The following OXCT1 variants were observed in gnomAD, a reference collection of about 807,000 sequenced individuals.
OXCT1 encodes 3-oxoacid CoA-transferase 1.
In OXCT1, 27 loss-of-function variants were observed where a neutral mutation model predicts 69.6. That is an observed-to-expected ratio of 0.39 (90% CI 0.29 to 0.54). The LOEUF is 0.54. Ranked by LOEUF, OXCT1 falls within the 20% of genes least tolerant of loss-of-function variation. OXCT1 has a pLI of 0.72. For missense variants in OXCT1, 437 were observed against 650.2 expected (o/e 0.67, Z 3.57); for synonymous variants, 202 against 217.8 (o/e 0.93, Z 0.64).
chr5:41,839,250 A>G (rs758177371), intron 7 of OXCT1, among the ~76,000 whole-genome samples: 2 of 152,212 alleles, frequency 1.3e-5, no homozygotes, highest in Non-Finnish European at 2.9e-5. Flanking sequence ...AATTTTAAAG[A>G]GAACTTCACC....
chr5:41,766,220 G>C (rs1222323976), intron 13 of OXCT1, among the ~76,000 whole-genome samples: 5 of 152,098 alleles, frequency 3.3e-5, no homozygotes, highest in Non-Finnish European at 7.4e-5. Flanking sequence ...GATTGACCCT[G>C]ATAGCAAGTA....
At chr5:41,735,752 T>C (rs940091680) in intron 16 of OXCT1, among the ~76,000 whole-genome samples, 5 of 152,230 alleles carry the variant, frequency 3.3e-5, no homozygotes, top group Non-Finnish European at 7.3e-5. Context: ...TTCATGTAAC[T>C]ACCCTGACCT....
At chr5:41,741,932 C>T (rs1743188848) in intron 15 of OXCT1, among the ~76,000 whole-genome samples, 1 of 152,148 alleles carries the variant, frequency 6.6e-6, no homozygotes, top group Non-Finnish European at 1.5e-5. Flanking sequence ...AAAATGAACA[C>T]TTTCTTTGCA....
intron 9 of OXCT1, 98 bp from the exon 10 acceptor site, chr5:41,803,261 A>T: frequency 1.3e-6 from 1 of 799,946 alleles, no homozygotes; most frequent in Non-Finnish European, 2.2e-6. Context: ...CTTTATTTAA[A>T]GGTGGCTTAC....
chr5:41,838,998 G>A (rs965830468), intron 7 of OXCT1, among the ~76,000 whole-genome samples: 3 of 152,292 alleles, frequency 2.0e-5, no homozygotes, highest in Admixed American at 6.5e-5. Context: ...TGTATTGAAA[G>A]AGACCCTAAT....
intron 13 of OXCT1, among the ~76,000 whole-genome samples, chr5:41,763,038 T>C (rs909404032): frequency 4.6e-5 from 7 of 152,122 alleles, no homozygotes; most frequent in Non-Finnish European, 1.0e-4. Context: ...ATTTTATTTA[T>C]TTTTTAGCCC....
At chr5:41,833,877 G>A (rs1192092041) in intron 7 of OXCT1, among the ~76,000 whole-genome samples, 3 of 151,792 alleles carry the variant, frequency 2.0e-5, no homozygotes, top group Non-Finnish European at 2.9e-5. Flanking sequence ...CTTGGCCAAC[G>A]TGATGAAACC....
intron 16 of OXCT1, among the ~76,000 whole-genome samples, chr5:41,736,964 T>C (rs958029160): frequency 1.3e-5 from 2 of 152,362 alleles, no homozygotes; most frequent in Middle Eastern, 3.4e-3. Context: ...AAGAAAGAAA[T>C]GCTATCTTCA....
intron 13 of OXCT1, among the ~76,000 whole-genome samples, chr5:41,793,536 G>T (rs1746030116): frequency 6.6e-6 from 1 of 152,212 alleles, no homozygotes; most frequent in East Asian, 1.9e-4. Context: ...CACAGGTTTT[G>T]AATTCCATAG....
At chr5:41,767,805 GT>G (rs1163064202) in intron 13 of OXCT1, among the ~76,000 whole-genome samples, 51 of 146,510 alleles carry the variant, frequency 3.5e-4, no homozygotes, top group African/African-American at 1.3e-3. Context: ...GCATATCACA[GT>G]GTCTTCCATT....
chr5:41,749,492 TAA>T, intron 15 of OXCT1, 33 bp downstream of exon 15: 1 of 1,386,564 alleles, frequency 7.2e-7, no homozygotes, highest in Non-Finnish European at 1.0e-6. Flanking sequence ...AATGCTTACT[TAA>T]AACATGGTAA....
intron 16 of OXCT1, among the ~76,000 whole-genome samples, chr5:41,739,047 A>G (rs1329787390): frequency 6.6e-6 from 1 of 152,230 alleles, no homozygotes; most frequent in Non-Finnish European, 1.5e-5. Context: ...TTTTCAGTTA[A>G]TCAAGTTCAA....
chr5:41,776,896 T>C (rs1243689396), intron 13 of OXCT1, among the ~76,000 whole-genome samples: 1 of 152,240 alleles, frequency 6.6e-6, no homozygotes, highest in Non-Finnish European at 1.5e-5. Context: ...ATTAGAACTT[T>C]ATAAAACGAT....
intron 15 of OXCT1, among the ~76,000 whole-genome samples, chr5:41,743,317 G>C (rs1743283060): frequency 6.6e-6 from 1 of 152,122 alleles, no homozygotes; most frequent in Admixed American, 6.5e-5. Context: ...CCCACTTTTT[G>C]ATGGGGTTGT....
intron 7 of OXCT1, among the ~76,000 whole-genome samples, chr5:41,815,847 T>G (rs1457502228): frequency 6.6e-6 from 1 of 152,150 alleles, no homozygotes; most frequent in African/African-American, 2.4e-5. Context: ...GTGTTGGGTT[T>G]TTACAGCTAC....
At chr5:41,852,550 T>C (rs923619810) in intron 4 of OXCT1, among the ~76,000 whole-genome samples, 1 of 152,138 alleles carries the variant, frequency 6.6e-6, no homozygotes, top group African/African-American at 2.4e-5. Context: ...TTTCAGAAAG[T>C]TTTCCTTTCT....
At chr5:41,818,919 G>A (rs1309192373) in intron 7 of OXCT1, among the ~76,000 whole-genome samples, 41 of 138,602 alleles carry the variant, frequency 3.0e-4, no homozygotes, top group Non-Finnish European at 4.4e-4. Context: ...AAAGTGACTC[G>A]TTTAAAAAAA....
At chr5:41,798,426 C>T (rs561748248) in intron 11 of OXCT1, among the ~76,000 whole-genome samples, 1 of 152,214 alleles carries the variant, frequency 6.6e-6, no homozygotes, top group East Asian at 1.9e-4. Context: ...GGGAAACTGT[C>T]CTGGTTGCTG....
chr5:41,788,787 T>C (rs114035261), intron 13 of OXCT1, among the ~76,000 whole-genome samples: 2,594 of 152,262 alleles, frequency 0.017, 30 homozygotes, highest in African/African-American at 0.027. Flanking sequence ...TTTGATCCAA[T>C]TGGCACTTAC....
Sources: allele counts gnomAD v4.1 joint callset (sites outside exome capture counted in the v4.1 genomes callset), GRCh38; gene constraint gnomAD v4.1.1; transcripts MANE v1.5; gene names NCBI Gene and HGNC (gene_info 2026-07-23, HGNC 2026-07-21).